Variants in KIAA1328 observed in about 807,000 individuals in gnomAD.
The protein encoded by KIAA1328 is protein hinderin.
Under a neutral mutation model 68.1 loss-of-function variants are expected in KIAA1328, and 52 were observed. The observed-to-expected ratio is 0.76, with a 90% CI of 0.61 to 0.96. The LOEUF is 0.96. KIAA1328 is among the 40% of genes least tolerant of loss of function. The pLI is 0.00. For missense variants in KIAA1328, 641 were observed against 677.6 expected (o/e 0.95, Z 0.60); for synonymous variants, 232 against 239.4 (o/e 0.97, Z 0.28).
intron 5 of KIAA1328, among the ~76,000 whole-genome samples, chr18:36,897,757 T>C (rs530589318): frequency 6.6e-6 from 1 of 152,188 alleles, no homozygotes; most frequent in South Asian, 2.1e-4. Context: ...AGAGGAGGCT[T>C]TAATATGATA....
At chr18:36,829,425 C>A in intron 1 of KIAA1328, 1 of 1,329,010 alleles carries the variant, frequency 7.5e-7, no homozygotes, top group Non-Finnish European at 9.6e-7. Context: ...AGATGCTTCC[C>A]AGCGCTCACT....
intron 6 of KIAA1328, among the ~76,000 whole-genome samples, chr18:36,984,748 A>G (rs769399270): frequency 1.3e-4 from 20 of 151,996 alleles, no homozygotes; most frequent in Non-Finnish European, 2.9e-4. Context: ...TCTACTAAAA[A>G]TACAAAAATT....
downstream of KIAA1328, chr18:37,229,601 C>G: frequency 7.9e-7 from 1 of 1,272,210 alleles, no homozygotes; most frequent in African/African-American, 1.5e-5. Flanking sequence ...TCCATCCAGG[C>G]GCGGTGGCTT....
At chr18:37,132,510 A>T (rs1225941518) in intron 7 of KIAA1328, among the ~76,000 whole-genome samples, 1 of 152,210 alleles carries the variant, frequency 6.6e-6, no homozygotes, top group African/African-American at 2.4e-5. Context: ...TGGGCAGAAG[A>T]GAAGGGCCAA....
intron 1 of KIAA1328, 174 bp from the exon 2 acceptor site, chr18:36,834,146 G>T: frequency 5.8e-6 from 6 of 1,042,566 alleles, no homozygotes; most frequent in Non-Finnish European, 7.4e-6. Context: ...CAATTACTTT[G>T]CTTTCTAACT....
chr18:37,082,098 C>G (rs534186894), intron 7 of KIAA1328, among the ~76,000 whole-genome samples: 16 of 149,740 alleles, frequency 1.1e-4, no homozygotes, highest in Non-Finnish European at 2.1e-4. Flanking sequence ...TAATCTCACG[C>G]TTTTTATATA....
At chr18:37,064,545 C>CA (rs1568356616) in intron 6 of KIAA1328, among the ~76,000 whole-genome samples, 6 of 145,790 alleles carry the variant, frequency 4.1e-5, no homozygotes, top group Non-Finnish European at 4.5e-5. Context: ...TACCCCCCCC[C>CA]CCAAATATGA....
chr18:36,962,859 G>A (rs964494676), intron 6 of KIAA1328, among the ~76,000 whole-genome samples: 3 of 152,188 alleles, frequency 2.0e-5, no homozygotes, highest in African/African-American at 7.2e-5. Context: ...GCCTACAAGA[G>A]AAAGCAGGAA....
chr18:36,864,199 G>A (rs1332792862), intron 4 of KIAA1328, among the ~76,000 whole-genome samples: 1 of 151,902 alleles, frequency 6.6e-6, no homozygotes, highest in Non-Finnish European at 1.5e-5. Flanking sequence ...CGATTGATAT[G>A]ATTACATGAG....
intron 6 of KIAA1328, among the ~76,000 whole-genome samples, chr18:37,026,372 A>C (rs966712364): frequency 1.3e-5 from 2 of 152,218 alleles, no homozygotes; most frequent in Admixed American, 1.3e-4. Flanking sequence ...AACTCATTTT[A>C]TGAGGCCAAC....
intron 6 of KIAA1328, among the ~76,000 whole-genome samples, chr18:36,959,813 T>C (rs924591920): frequency 2.0e-5 from 3 of 152,244 alleles, no homozygotes; most frequent in Non-Finnish European, 4.4e-5. Flanking sequence ...TTTTTTAGAA[T>C]AATGAAAGTT....
chr18:37,163,270 T>G (rs981086307), intron 8 of KIAA1328, among the ~76,000 whole-genome samples: 2 of 152,166 alleles, frequency 1.3e-5, no homozygotes, highest in African/African-American at 4.8e-5. Context: ...AGCCACTGAG[T>G]GCGCAGTTTT....
intron 7 of KIAA1328, among the ~76,000 whole-genome samples, chr18:37,107,888 G>A (rs563023091): frequency 5.3e-5 from 8 of 151,560 alleles, no homozygotes; most frequent in Admixed American, 2.6e-4. Context: ...ACAGATGCTG[G>A]CAAGCCCGTG....
rs1301645938 is a variant in KIAA1328, at chr18:37,067,208, A to C, written c.895A>C (p.Lys299Gln). Residue 299 changes from lysine to glutamine, a missense_variant, in exon 7 of 10, where the codon AAG becomes CAG. Lys to Gln is a moderately conservative substitution (Grantham distance 53). Coordinates refer to ENST00000280020, the MANE Select transcript of KIAA1328 (RefSeq NM_020776.3). The stretch of plus-strand genomic sequence containing the variant: ...GCACATGAAGGAATGTCCACATCTT[A>C]AGCCTACTCCTAGTCAATGCTGTGG... ...ELHMKECPHL[K>Q]PTPSQCCGHR... is the part of the protein sequence containing the mutation. The C allele has an allele frequency of 6.2e-7, 1 of 1,614,022 alleles. No homozygotes were observed. The highest frequency in any genetic ancestry group is 1.1e-5 in the South Asian group (1 of 91,080).
intron 9 of KIAA1328, among the ~76,000 whole-genome samples, chr18:37,209,013 C>G (rs1159083738): frequency 6.6e-6 from 1 of 152,212 alleles, no homozygotes; most frequent in East Asian, 1.9e-4. Context: ...TACTCTTTAA[C>G]AGGGTATTGG....
chr18:36,945,098 TA>T (rs1215928993), intron 5 of KIAA1328, among the ~76,000 whole-genome samples: 1 of 152,204 alleles, frequency 6.6e-6, no homozygotes, highest in Non-Finnish European at 1.5e-5. Context: ...TTTAAATGTT[TA>T]TGGGCTAACT....
chr18:37,096,119 G>T (rs1364703221), intron 7 of KIAA1328, among the ~76,000 whole-genome samples: 1 of 151,638 alleles, frequency 6.6e-6, no homozygotes, highest in African/African-American at 2.4e-5. Context: ...GCGTACATGT[G>T]CACAACGTGC....
At chr18:37,208,001 G>T (rs962098415) in intron 9 of KIAA1328, among the ~76,000 whole-genome samples, 1 of 152,010 alleles carries the variant, frequency 6.6e-6, no homozygotes, top group African/African-American at 2.4e-5. Flanking sequence ...TAGAGATAGG[G>T]TTTCACCATG....
chr18:37,175,218 G>C (rs989467887), intron 9 of KIAA1328, among the ~76,000 whole-genome samples: 1 of 152,134 alleles, frequency 6.6e-6, no homozygotes, highest in Admixed American at 6.5e-5. Flanking sequence ...ATTAAAATGA[G>C]ATCTTTAACA....
Sources: gnomAD v4.1 joint callset for allele counts (sites outside exome capture counted in the v4.1 genomes callset) on GRCh38, gnomAD v4.1.1 for gene constraint, MANE v1.5 for transcripts, NCBI Gene and HGNC (gene_info 2026-07-23, HGNC 2026-07-21) for gene names.